CIITA: variants seen among roughly 807,000 people sequenced by gnomAD.
CIITA encodes class II major histocompatibility complex transactivator, also known as MHC class II transactivator.
CIITA carries 72 observed loss-of-function variants against 115.1 expected under a neutral mutation model. The ratio of observed to expected loss-of-function variants is 0.63; its 90% CI spans 0.52 to 0.76. The LOEUF is 0.76. Among genes scored for constraint, CIITA ranks in the 30% least tolerant of loss-of-function variants. The pLI, the probability that CIITA is intolerant of heterozygous loss-of-function variation, is 0.00. For synonymous variants in CIITA, 763 were observed against 635.6 expected (o/e 1.20, Z -3.02); for missense variants, 1,617 against 1,463.8 (o/e 1.10, Z -1.71).
intron 13 of CIITA, among the ~76,000 whole-genome samples, chr16:10,911,907 T>C (rs1300597796): frequency 6.6e-6 from 1 of 152,038 alleles, no homozygotes; most frequent in Non-Finnish European, 1.5e-5. Flanking sequence ...CAGGCCACCC[T>C]CCTCTACAGG....
At chr16:10,871,306 A>G (rs2035468113) in intron 1 of CIITA, among the ~76,000 whole-genome samples, 1 of 152,226 alleles carries the variant, frequency 6.6e-6, no homozygotes, top group Non-Finnish European at 1.5e-5. Flanking sequence ...CATGGTGGAA[A>G]GATGACTGTA....
chr16:10,911,888 C>A (rs1245255545), intron 13 of CIITA, among the ~76,000 whole-genome samples: 2 of 152,044 alleles, frequency 1.3e-5, no homozygotes, highest in African/African-American at 4.8e-5. Flanking sequence ...CCTTCCATCT[C>A]AATTATCTCA....
At position 10,902,036 on chromosome 16, in the gene CIITA, A is replaced by G; in HGVS notation, c.482-2A>G. The G allele has an allele frequency of 1.9e-6, 3 of 1,613,970 alleles. No individual in the cohort carries two copies. Among genetic ancestry groups the G allele is most frequent in the Non-Finnish European group, 2.5e-6 (3 of 1,179,992 alleles). On this transcript the variant is annotated splice_acceptor_variant, in intron 6 of 19. Transcript: ENST00000324288. LOFTEE classifies it high-confidence loss of function. ...TCTCTAACACAGCCCACTTCCTCAC[A>G]GCTGAGCCCCCCACTGTGGTGACTG...
intron 1 of CIITA, among the ~76,000 whole-genome samples, chr16:10,891,881 T>G (rs937062394): frequency 6.6e-6 from 1 of 152,182 alleles, no homozygotes; most frequent in Non-Finnish European, 1.5e-5. Context: ...CCGGTTATGT[T>G]TGGGTTCCTG....
chr16:10,867,709 C>T lies in CIITA; in HGVS notation c.-21+1390C>T, dbSNP rs112828534. ...CATCCTTGGCTCCTCCAACTTTTTA[C>T]GTCTCCTACCCACTTACAAAGAAGT... On this transcript the variant is annotated intron_variant, in intron 1 of 5. Coordinates refer to the CIITA transcript ENST00000636238. Among the ~76,000 whole-genome samples, 280 of 152,304 alleles carry T rather than the reference C, an allele frequency of 1.8e-3. 5 individuals are homozygous for T. The highest frequency in any genetic ancestry group is 6.3e-3 in the African/African-American group (263 of 41,580).
chr16:10,918,017 A>T (rs1029317617), intron 15 of CIITA, among the ~76,000 whole-genome samples: 1 of 152,180 alleles, frequency 6.6e-6, no homozygotes, highest in African/African-American at 2.4e-5. Context: ...TTAAGTATTT[A>T]TTGAGCACCT....
Position 10,927,698 on chromosome 16 carries a change from G to C in CIITA, c.*3843G>C, listed in dbSNP as rs977666375. 3 of 152,168 alleles carry C rather than the reference G, an allele frequency of 2.0e-5. No individual in the cohort carries two copies. The highest frequency in any genetic ancestry group is 7.2e-5 in the African/African-American group (3 of 41,440). The allele number at this position is 152,168 out of a possible 1,614,324, so 9.4% of individuals were successfully genotyped here. A position where few individuals can be genotyped will look rare whatever the true frequency, so the allele number is the denominator to read the frequency against. ...GTGTGGAGCCTTTTAACCCAGAGGG[G>C]CATCTTTTCGTAGTTAACGCACAGT... On this transcript the variant is annotated 3_prime_UTR_variant, in exon 20 of 20. Transcript: ENST00000324288.
chr16:10,936,673 A>G (rs1449864984), downstream of CIITA: 1 of 152,234 alleles, frequency 6.6e-6, no homozygotes, highest in Non-Finnish European at 1.5e-5. Flanking sequence ...GCCTGGCAGA[A>G]ACTATGAGCT....
rs1394663674 is a variant in CIITA, at chr16:10,923,308, A to C, written c.*5A>C. ...TCACGGATCAGCCTGAGATGATCCC[A>C]GCTGTGCTCTGGACAGGGTAACCAG... On this transcript the variant is annotated 3_prime_UTR_variant, in exon 19 of 20. Transcript: ENST00000324288. The surrounding 1 kb of genome is among the most constrained non-coding windows in gnomAD (Gnocchi z 5.2). 2.6e-6 allele frequency: 4 copies of C among 1,535,148 alleles called. No homozygotes were observed. The African/African-American group carries it at 5.5e-5, about 21-fold the overall frequency.
At chr16:10,894,771 A>G (rs2037952078) in intron 1 of CIITA, among the ~76,000 whole-genome samples, 1 of 152,238 alleles carries the variant, frequency 6.6e-6, no homozygotes, top group African/African-American at 2.4e-5. Flanking sequence ...GCAGGACTTC[A>G]GTCAGACTGT....
Position 10,936,293 on chromosome 16 carries a change from T to C in CIITA, c.*12438T>C, listed in dbSNP as rs530922834. 4 of 152,326 alleles carry C rather than the reference T, an allele frequency of 2.6e-5. No individual in the cohort carries two copies. The South Asian group carries it at 6.2e-4, about 24-fold the overall frequency. 9.4% of individuals were successfully genotyped at this position (152,326 alleles called of 1,614,324 possible). ...AGATGAGATTGGTCATAGGATTGTA[T>C]AGTGTATCAATATTAGATTTGCTGA... On this transcript the variant is annotated 3_prime_UTR_variant, in exon 20 of 20. Transcript: ENST00000324288.
At chr16:10,885,076 G>A (rs181610985) in intron 1 of CIITA, among the ~76,000 whole-genome samples, 1 of 152,264 alleles carries the variant, frequency 6.6e-6, no homozygotes, top group East Asian at 1.9e-4. Context: ...GGGAGTAGTG[G>A]GGCCTCTGGT....
At chr16:10,911,705 C>T (rs1380311020) in intron 13 of CIITA, among the ~76,000 whole-genome samples, 1 of 151,062 alleles carries the variant, frequency 6.6e-6, no homozygotes, top group Admixed American at 6.6e-5. Context: ...ACAGGCATGC[C>T]CCACCTGACT....
In CIITA at chr16:10,925,653, C is replaced by G. The variant is rs903924935; in HGVS notation, c.*1798C>G. ...TTGGCCAGTGTGACAAGGATTGCTA[C>G]TGTCCTACCCACCCTCCTTTCACCA... is the stretch of plus-strand genomic sequence containing the variant. On this transcript the variant is annotated 3_prime_UTR_variant, in exon 20 of 20. Transcript: ENST00000324288. 2 of 152,384 alleles carry G rather than the reference C, an allele frequency of 1.3e-5. No homozygotes were observed. Among genetic ancestry groups the G allele is most frequent in the African/African-American group, 2.4e-5 (1 of 41,466 alleles). 9.4% of individuals were successfully genotyped at this position (152,384 alleles called of 1,614,324 possible). A position where few individuals can be genotyped will look rare whatever the true frequency, so the allele number is the denominator to read the frequency against.
chr16:10,879,191 T>C lies in CIITA; in HGVS notation c.52+1809T>C, dbSNP rs1321402434. On this transcript the variant is annotated intron_variant, in intron 1 of 19. Coordinates refer to ENST00000324288, the MANE Select transcript of CIITA (RefSeq NM_000246.4). The surrounding 1 kb of genome is among the most constrained non-coding windows in gnomAD (Gnocchi z 4.3). The stretch of plus-strand genomic sequence containing the variant: ...AAATGTAGGGCCGGGAAACACCTCG[T>C]TTCCAGCATCCCCGCAACGACTCTG... 3.9e-5 allele frequency: 7 copies of C among 177,418 alleles called. No homozygotes were observed. The highest frequency in any genetic ancestry group is 1.7e-4 in the African/African-American group (7 of 42,192). The allele number at this position is 177,418 out of a possible 1,614,324, so 11.0% of individuals were successfully genotyped here. A position where few individuals can be genotyped will look rare whatever the true frequency, so the allele number is the denominator to read the frequency against.
chr16:10,911,975 T>C (rs1322291492), intron 13 of CIITA, among the ~76,000 whole-genome samples: 1 of 152,182 alleles, frequency 6.6e-6, no homozygotes, highest in Non-Finnish European at 1.5e-5. Context: ...AGACTTTAAA[T>C]TGTTTATCCA....
At chr16:10,904,167 T>C (rs111692380) in intron 9 of CIITA, among the ~76,000 whole-genome samples, 9 of 152,210 alleles carry the variant, frequency 5.9e-5, no homozygotes, top group Non-Finnish European at 1.2e-4. Flanking sequence ...TCAGATCTTT[T>C]GAAGTTGAAA....
chr16:10,919,503 C>CTTATTTATTTATTTATTTATTTATTTAT (rs55706326), intron 16 of CIITA, among the ~76,000 whole-genome samples: 1 of 149,202 alleles, frequency 6.7e-6, no homozygotes, highest in Admixed American at 6.7e-5. Context: ...GCCCGGCCAA[C>CTTATTTATTTATTTATTTATTTATTTAT]TTATTTATTT....
At chr16:10,915,299 C>T (rs1383484302) in intron 13 of CIITA, among the ~76,000 whole-genome samples, 1 of 152,100 alleles carries the variant, frequency 6.6e-6, no homozygotes, top group Non-Finnish European at 1.5e-5. Context: ...GTCCTCTTAC[C>T]TTGGCCTCCC....
Sources: allele counts gnomAD v4.1 joint callset (sites outside exome capture counted in the v4.1 genomes callset), GRCh38; gene constraint gnomAD v4.1.1; non-coding constraint Gnocchi (gnomAD v3.1); transcripts MANE v1.5; gene names NCBI Gene and HGNC (gene_info 2026-07-23, HGNC 2026-07-21).